The following ZNF730 variants were observed in gnomAD, a reference collection of about 807,000 sequenced individuals.
ZNF730 encodes zinc finger protein 730.
Under a neutral mutation model 12.6 loss-of-function variants are expected in ZNF730, and 12 were observed. The ratio of observed to expected loss-of-function variants is 0.95; its 90% CI spans 0.61 to 1.54. The LOEUF (loss-of-function observed/expected upper bound fraction) is 1.54. ZNF730 is among the 40% of genes most tolerant of loss of function. The pLI is 0.00. For missense variants in ZNF730, 643 were observed against 583.5 expected (o/e 1.10, Z -1.05); for synonymous variants, 194 against 195.8 (o/e 0.99, Z 0.08).
At chr19:23,128,153 C>A in intron 1 of ZNF730, 1 of 898,538 alleles carries the variant, frequency 1.1e-6, no homozygotes, top group South Asian at 1.3e-5. Context: ...GTTTTTGGTT[C>A]CCTGAAGAGA....
chr19:23,133,810 ATGTACATGTTAG>A (rs1336098516), intron 1 of ZNF730, among the ~76,000 whole-genome samples: 7 of 135,722 alleles, frequency 5.2e-5, no homozygotes. Context: ...CCACTCAAAA[ATGTACATGTTAG>A]TGTTCATGTC....
chr19:23,102,000 T>A (rs1157000838), intron 1 of ZNF730, among the ~76,000 whole-genome samples: 1 of 152,200 alleles, frequency 6.6e-6, no homozygotes, highest in Admixed American at 6.5e-5. Flanking sequence ...CCCTAACTAT[T>A]TTGCATGTTA....
chr19:23,087,790 T>G lies in ZNF730; in HGVS notation c.-94+12403T>G, dbSNP rs1318248670. Among the ~76,000 whole-genome samples the G allele has an allele frequency of 2.0e-5, 3 of 151,278 alleles. No individual in the cohort carries two copies. In the East Asian group the frequency reaches 6.0e-4, roughly 30 times the overall value. ...GCCACCACGCCTGGCTAATTTTGTA[T>G]TTTTAGTAGAGACAGGTTTCTTCAT... On this transcript the variant is annotated intron_variant, in intron 1 of 2. Coordinates refer to the ZNF730 transcript ENST00000593635.
intron 3 of ZNF730, among the ~76,000 whole-genome samples, chr19:23,141,199 C>A (rs1599601582): frequency 6.6e-6 from 1 of 151,934 alleles, no homozygotes; most frequent in African/African-American, 2.4e-5. Context: ...TCGAGACCAT[C>A]CTGGCTAACA....
intron 1 of ZNF730, chr19:23,127,122 C>G: frequency 2.0e-6 from 1 of 509,586 alleles, no homozygotes; most frequent in African/African-American, 1.9e-5. Flanking sequence ...CAGATGCATC[C>G]TTATCTCGGT....
intron 1 of ZNF730, chr19:23,123,634 T>C (rs1280096905): frequency 2.9e-5 from 2 of 69,926 alleles, no homozygotes; most frequent in Non-Finnish European, 5.7e-5. Context: ...CCTTTTTTTT[T>C]CATAATGCTC....
At chr19:23,111,516 G>T (rs1446917863) in intron 1 of ZNF730, among the ~76,000 whole-genome samples, 1 of 152,160 alleles carries the variant, frequency 6.6e-6, no homozygotes, top group African/African-American at 2.4e-5. Context: ...GGAGGCTGAG[G>T]TGGGTGGAAC....
At chr19:23,084,999 A>G (rs1970033486) in intron 1 of ZNF730, among the ~76,000 whole-genome samples, 1 of 152,182 alleles carries the variant, frequency 6.6e-6, no homozygotes, top group Non-Finnish European at 1.5e-5. Flanking sequence ...TTACTGGTCA[A>G]ATGTTATTTC....
upstream of ZNF730, chr19:23,117,013 G>T (rs62122971): frequency 0.045 from 51,484 of 1,142,226 alleles, 1,113 homozygotes; most frequent in East Asian, 0.13. Flanking sequence ...GCGGCTTCCG[G>T]GATTTGGCGC....
chr19:23,136,401 A>G (rs1280346203), intron 3 of ZNF730, among the ~76,000 whole-genome samples: 4 of 151,888 alleles, frequency 2.6e-5, no homozygotes, highest in African/African-American at 7.3e-5. Context: ...AACTATTTTT[A>G]TTTTATTTAT....
intron 3 of ZNF730, among the ~76,000 whole-genome samples, chr19:23,144,564 G>T (rs1970975652): frequency 1.3e-5 from 2 of 151,858 alleles, no homozygotes; most frequent in South Asian, 4.2e-4. Context: ...GCTGGGCGTG[G>T]TGGCATGTGC....
At position 23,089,299 on chromosome 19, in the gene ZNF730, T is replaced by C. The variant is rs533353890; in HGVS notation, c.-94+13912T>C. ...TCGGCTTCTGGCAACCTTTGTCTCC[T>C]AGGTTCAAGCAATTCTCCTGCCTCA... is the stretch of plus-strand genomic sequence containing the variant. On this transcript the variant is annotated intron_variant, in intron 1 of 2. Coordinates refer to the ZNF730 transcript ENST00000593635. Among the ~76,000 whole-genome samples, 3 of 149,994 alleles carry C rather than the reference T, an allele frequency of 2.0e-5. No individual in the cohort carries two copies. The East Asian group carries it at 6.0e-4, about 30-fold the overall frequency.
intron 1 of ZNF730, among the ~76,000 whole-genome samples, chr19:23,088,899 T>C (rs1007082262): frequency 6.6e-6 from 1 of 151,970 alleles, no homozygotes. Context: ...TGAGATGGAG[T>C]TTCTCTCTTG....
intron 1 of ZNF730, chr19:23,126,835 T>C: frequency 1.9e-6 from 1 of 539,888 alleles, no homozygotes; most frequent in Non-Finnish European, 3.7e-6. Flanking sequence ...ATATTAGCAT[T>C]TTCATAATCC....
rs1309585146 is a variant in ZNF730, at chr19:23,146,437, T to C, written c.1393T>C (p.Ser465Pro). The C allele has an allele frequency of 6.2e-7, 1 of 1,612,820 alleles. No homozygotes were observed. The change falls in exon 4 of 4, where the codon TCA (serine) becomes CCA (proline). Residue 465 changes from serine to proline, a missense_variant. Ser to Pro is a moderately conservative substitution (Grantham distance 74). Coordinates refer to ENST00000597761, the MANE Select transcript of ZNF730 (RefSeq NM_001277403.2). The stretch of plus-strand genomic sequence containing the variant: ...ATGTGGCAAAGCTTTTAACCGGTCC[T>C]CAACCCTCACTACACATAAGATAAT... Reference protein sequence around the residue: ...EECGKAFNRSSTLTTHKIIHS... With the variant: ...EECGKAFNRSPTLTTHKIIHS...
rs561917678 is a variant in ZNF730 at position 23,101,520 on chromosome 19, G to A, written c.-94+26133G>A. Among the ~76,000 whole-genome samples the A allele has an allele frequency of 2.0e-4, 31 of 152,318 alleles. No individual in the cohort carries two copies. The East Asian group carries it at 5.6e-3, about 28-fold the overall frequency. On this transcript the variant is annotated intron_variant, in intron 1 of 2. Coordinates refer to the ZNF730 transcript ENST00000593635. ...TCTACTCTAATTCCTGGACTTTTCT[G>A]CAGGTGTGATTGTATGCATCTGCTA...
chr19:23,093,891 C>T (rs981102314), intron 1 of ZNF730, among the ~76,000 whole-genome samples: 3 of 152,226 alleles, frequency 2.0e-5, no homozygotes, highest in African/African-American at 4.8e-5. Flanking sequence ...AGGGTGGACC[C>T]GCTGTGCCTC....
chr19:23,099,661 A>G (rs181312524), intron 1 of ZNF730, among the ~76,000 whole-genome samples: 124 of 152,306 alleles, frequency 8.1e-4, no homozygotes, highest in Non-Finnish European at 1.2e-3. Context: ...ACACAAATCC[A>G]TTCCACCATT....
upstream of ZNF730, among the ~76,000 whole-genome samples, chr19:23,116,280 C>A (rs139439268): frequency 1.6e-3 from 216 of 134,054 alleles, no homozygotes; most frequent in African/African-American, 5.8e-3. Context: ...AGATAGTGAT[C>A]TACCTGTGGT....
Sources: allele counts gnomAD v4.1 joint callset (sites outside exome capture counted in the v4.1 genomes callset), GRCh38; gene constraint gnomAD v4.1.1; transcripts MANE v1.5; gene names NCBI Gene and HGNC (gene_info 2026-07-23, HGNC 2026-07-21).